EFCAB8: variants seen among roughly 807,000 people sequenced by gnomAD.
EFCAB8 encodes EF-hand calcium binding domain 8, also known as EF-hand calcium-binding domain-containing protein 8.
EFCAB8 carries 100 observed loss-of-function variants against 116.3 expected under a neutral mutation model. That is an observed-to-expected ratio of 0.86 (90% CI 0.73 to 1.02). The LOEUF (loss-of-function observed/expected upper bound fraction) is 1.02. Ranked by LOEUF, EFCAB8 falls within the 50% of genes least tolerant of loss-of-function variation. The pLI, the probability that EFCAB8 is intolerant of heterozygous loss-of-function variation, is 0.00. For synonymous variants in EFCAB8, 558 were observed against 567.9 expected (o/e 0.98, Z 0.25); for missense variants, 1,320 against 1,416.9 (o/e 0.93, Z 1.10).
chr20:32,885,411 T>G, intron 5 of EFCAB8, 94 bp from the exon 6 acceptor site: 1 of 1,498,380 alleles, frequency 6.7e-7, no homozygotes, highest in East Asian at 2.5e-5. Context: ...CCGGCTTTTG[T>G]CCCTCCTCCT....
chr20:32,938,433 A>T (rs77772074), intron 22 of EFCAB8, among the ~76,000 whole-genome samples: 2,159 of 149,902 alleles, frequency 0.014, 187 homozygotes, highest in African/African-American at 0.047. Context: ...CCAATTTAAC[A>T]TTTTATTGGG....
chr20:32,906,074 G>C (rs748297079), intron 11 of EFCAB8, among the ~76,000 whole-genome samples: 14 of 152,142 alleles, frequency 9.2e-5, no homozygotes, highest in Non-Finnish European at 1.8e-4. Context: ...TGATGCAGGA[G>C]ACAGCACCCT....
intron 22 of EFCAB8, among the ~76,000 whole-genome samples, chr20:32,941,166 C>T (rs1252909127): frequency 1.3e-5 from 2 of 148,968 alleles, no homozygotes; most frequent in Admixed American, 6.7e-5. Flanking sequence ...GCAGGAGAAT[C>T]GCTTGAACCT....
At chr20:32,895,132 C>T (rs1986095508) in intron 9 of EFCAB8, among the ~76,000 whole-genome samples, 1 of 152,110 alleles carries the variant, frequency 6.6e-6, no homozygotes, top group African/African-American at 2.4e-5. Flanking sequence ...GACGGAGGAC[C>T]CATGTTTGTC....
At chr20:32,946,809 C>G (rs544830005) in intron 23 of EFCAB8, among the ~76,000 whole-genome samples, 2 of 152,298 alleles carry the variant, frequency 1.3e-5, no homozygotes, top group African/African-American at 4.8e-5. Flanking sequence ...ATTTCCTTCT[C>G]CTAACCCCTG....
intron 11 of EFCAB8, chr20:32,903,592 C>T (rs967142931): frequency 1.3e-5 from 2 of 152,226 alleles, no homozygotes; most frequent in African/African-American, 4.8e-5. Flanking sequence ...GACCATTCTT[C>T]CAGAACATTT....
chr20:32,910,953 G>A (rs1344809837), intron 15 of EFCAB8, among the ~76,000 whole-genome samples: 1 of 151,990 alleles, frequency 6.6e-6, no homozygotes, highest in Admixed American at 6.6e-5. Flanking sequence ...GGCCAGGCTG[G>A]TCTCAAACTT....
rs369045475 is a variant in EFCAB8 at position 32,891,371 on chromosome 20, C to T, written c.674-842C>T. ...TGTCTGGGATTACAGGTGCGCGCTA[C>T]CACACCCAGCAAATTTTTGTATTTT... On this transcript the variant is annotated intron_variant, in intron 7 of 26. Transcript: ENST00000400522. Among the ~76,000 whole-genome samples the T allele has an allele frequency of 2.0e-5, 3 of 152,222 alleles. No homozygotes were observed. The East Asian group carries it at 5.8e-4, about 29-fold the overall frequency.
Position 32,918,623 on chromosome 20 carries a change from G to A in EFCAB8, c.2274+49G>A, listed in dbSNP as rs114124961. 978 of 1,522,864 alleles carry A rather than the reference G, an allele frequency of 6.4e-4. 5 individuals are homozygous for A. In the African/African-American group the frequency reaches 0.011, roughly 17 times the overall value. 94.3% of individuals were successfully genotyped at this position (1,522,864 alleles called of 1,614,324 possible). On this transcript the variant is annotated intron_variant, in intron 19 of 26. Transcript: ENST00000400522. ...AGGCTACCCTCACTCTCTAGCCGCC[G>A]GCGTTCACACACCGTCTGTGTGTGT...
At chr20:32,942,271 A>G (rs1988431309) in intron 22 of EFCAB8, among the ~76,000 whole-genome samples, 2 of 152,202 alleles carry the variant, frequency 1.3e-5, no homozygotes, top group South Asian at 4.1e-4. Flanking sequence ...TTTGTTTATT[A>G]GTGATGTTGA....
chr20:32,898,385 C>G, intron 10 of EFCAB8, 108 bp from the exon 11 acceptor site: 3 of 633,736 alleles, frequency 4.7e-6, no homozygotes, highest in Non-Finnish European at 8.8e-6. Flanking sequence ...GCATTAGACT[C>G]CGTGATCTCT....
chr20:32,895,627 A>G (rs549866244), intron 9 of EFCAB8, among the ~76,000 whole-genome samples: 2 of 147,148 alleles, frequency 1.4e-5, no homozygotes, highest in Non-Finnish European at 1.5e-5. Flanking sequence ...GCTGGAGTGC[A>G]ATGGTGCGAT....
chr20:32,861,873 A>C lies in EFCAB8; in HGVS notation c.-10-1910A>C, dbSNP rs568953936. 6.6e-5 allele frequency among the ~76,000 whole-genome samples: 10 copies of C among 152,190 alleles called. No homozygotes were observed. In the South Asian group the frequency reaches 1.7e-3, roughly 25 times the overall value. ...AGTATATGTTTCCAGGCTCTTTTTT[A>C]TGCATGTGCCAATATGCACATGCAT... On this transcript the variant is annotated intron_variant, in intron 1 of 26. Transcript: ENST00000400522.
chr20:32,958,833 G>T lies in EFCAB8; in HGVS notation c.3089+283G>T, dbSNP rs572558652. ...TGCTTGGATGGGGCCCTGTCCCCCA[G>T]CCAGGCCCAGATTTGCTAGAGCTGG... On this transcript the variant is annotated intron_variant, in intron 24 of 26. Transcript: ENST00000400522. Among the ~76,000 whole-genome samples the T allele has an allele frequency of 1.3e-3, 203 of 152,366 alleles. 1 individual carries two copies. The highest frequency in any genetic ancestry group is 3.4e-3 in the African/African-American group (141 of 41,598).
At chr20:32,904,300 A>T (rs1257159112) in intron 11 of EFCAB8, among the ~76,000 whole-genome samples, 3 of 139,182 alleles carry the variant, frequency 2.2e-5, no homozygotes, top group Non-Finnish European at 4.7e-5. Flanking sequence ...GCCTGAATAG[A>T]GTCTTTTTGT....
At position 32,939,136 on chromosome 20, in the gene EFCAB8, T is replaced by C. The variant is rs1241704443; in HGVS notation, c.2791-4500T>C. On this transcript the variant is annotated intron_variant, in intron 22 of 26. Transcript: ENST00000400522. ...TTCTCTCTTTCTTTCTCTTTCTTTC[T>C]TTCTTTCTTTCTTTCTTTCTTTCTT... 1.5e-4 allele frequency among the ~76,000 whole-genome samples: 4 copies of C among 27,312 alleles called. 1 individual carries two copies. Among genetic ancestry groups the C allele is most frequent in the Non-Finnish European group, 2.8e-4 (4 of 14,194 alleles). 17.9% of individuals were successfully genotyped at this position (27,312 alleles called of 152,430 possible).
At chr20:32,914,889 G>A (rs908781780) in intron 17 of EFCAB8, among the ~76,000 whole-genome samples, 1 of 148,834 alleles carries the variant, frequency 6.7e-6, no homozygotes, top group African/African-American at 2.5e-5. Flanking sequence ...AATCTTTTAA[G>A]TTCTGCTTCC....
At chr20:32,891,255 C>A (rs1354629132) in intron 7 of EFCAB8, among the ~76,000 whole-genome samples, 1 of 151,972 alleles carries the variant, frequency 6.6e-6, no homozygotes, top group African/African-American at 2.4e-5. Context: ...ACTAGGGATT[C>A]ATTTATTTTG....
In EFCAB8 at chr20:32,867,693, A is replaced by G. The variant is rs775105217; in HGVS notation, c.154A>G (p.Ile52Val). ...GCCTGGGTCCCAGCTGTTTACTGAG[A>G]TACACCTGGCCAAGATAGAGAAAAT... ...LQPGSQLFTE[I>V]HLAKIEKMFE... is the part of the protein sequence containing the mutation. The change falls in exon 3 of 27, where the codon ATA (isoleucine) becomes GTA (valine). Residue 52 changes from isoleucine to valine, a missense_variant. Physicochemically the swap from Ile to Val is conservative, Grantham distance 29. Coordinates refer to ENST00000400522, the MANE Select transcript of EFCAB8 (RefSeq NM_001143967.2). 1 of 1,551,678 alleles carries G rather than the reference A, an allele frequency of 6.4e-7. No homozygotes were observed. The highest frequency in any genetic ancestry group is 8.7e-7 in the Non-Finnish European group (1 of 1,146,980).
Sources: allele counts gnomAD v4.1 joint callset (sites outside exome capture counted in the v4.1 genomes callset), GRCh38; gene constraint gnomAD v4.1.1; transcripts MANE v1.5; gene names NCBI Gene and HGNC (gene_info 2026-07-23, HGNC 2026-07-21).